SHC3: variants seen among roughly 807,000 people sequenced by gnomAD.
SHC3 encodes SHC adaptor protein 3.
Under a neutral mutation model 60.4 loss-of-function variants are expected in SHC3, and 15 were observed. The ratio of observed to expected loss-of-function variants is 0.25; its 90% CI spans 0.17 to 0.38. The LOEUF is 0.38. SHC3 is among the 10% of genes least tolerant of loss of function. The pLI, the probability that SHC3 is intolerant of heterozygous loss-of-function variation, is 1.00. For synonymous variants in SHC3, 294 were observed against 325.9 expected, an observed-to-expected ratio of 0.90 and a Z score of 1.05; for missense variants, 677 against 786.1, an observed-to-expected ratio of 0.86 and a Z score of 1.66.
intron 10 of SHC3, among the ~76,000 whole-genome samples, chr9:89,040,664 A>G (rs575654936): frequency 7.9e-5 from 12 of 152,368 alleles, no homozygotes; most frequent in African/African-American, 2.9e-4. Flanking sequence ...TGTGCTTTGC[A>G]TCTTGAAAAA....
intron 8 of SHC3, 88 bp from the exon 9 acceptor site, chr9:89,045,921 G>A: frequency 1.5e-6 from 2 of 1,320,950 alleles, no homozygotes; most frequent in Non-Finnish European, 2.1e-6. Flanking sequence ...TCGGCGAGTT[G>A]ATCCTTAAGG....
intron 6 of SHC3, among the ~76,000 whole-genome samples, chr9:89,061,747 G>A (rs1240537678): frequency 6.6e-6 from 1 of 152,224 alleles, no homozygotes; most frequent in East Asian, 1.9e-4. Flanking sequence ...CATTCTGAGT[G>A]AGTAGTGTGA....
At chr9:89,157,804 C>A (rs895128209) in intron 1 of SHC3, among the ~76,000 whole-genome samples, 1 of 151,888 alleles carries the variant, frequency 6.6e-6, no homozygotes, top group Non-Finnish European at 1.5e-5. Flanking sequence ...ATTTTTTTTG[C>A]AGAAATAGGA....
At chr9:89,016,889 T>C (rs116945835) in intron 11 of SHC3, among the ~76,000 whole-genome samples, 3,918 of 152,272 alleles carry the variant, frequency 0.026, 65 homozygotes, top group Middle Eastern at 0.085. Flanking sequence ...TTATCCATCA[T>C]GTTAAAGAAG....
In SHC3 at chr9:89,019,656, T is replaced by C. The variant is rs1376193376; in HGVS notation, c.1657-6081A>G. On this transcript the variant is annotated intron_variant, in intron 11 of 11. Transcript: ENST00000375835. ...AATTTAAAATGCCATACCATTTACA[T>C]TGGCACCCCTGAAAATGAAATAGGT... 3.3e-5 allele frequency among the ~76,000 whole-genome samples: 5 copies of C among 152,178 alleles called. No individual in the cohort carries two copies. The South Asian group carries it at 6.2e-4, about 19-fold the overall frequency.
At chr9:89,116,142 G>T (rs946165178) in intron 1 of SHC3, among the ~76,000 whole-genome samples, 1 of 152,114 alleles carries the variant, frequency 6.6e-6, no homozygotes, top group Admixed American at 6.6e-5. Context: ...AAATTTCACA[G>T]TTATGTGAAC....
At chr9:89,172,863 T>G (rs1826889847) in intron 1 of SHC3, among the ~76,000 whole-genome samples, 1 of 152,232 alleles carries the variant, frequency 6.6e-6, no homozygotes, top group Non-Finnish European at 1.5e-5. Flanking sequence ...TCTTCCTTGT[T>G]GCTTTCCTCT....
At position 89,006,244 on chromosome 9, in the gene SHC3, A is replaced by G. The variant is rs1217070016; in HGVS notation, c.*7203T>C. On this transcript the variant is annotated 3_prime_UTR_variant, in exon 12 of 12. Transcript: ENST00000375835. ...GCACCAGACAGATCATGAAGGGCTA[A>G]TGCTTGGAAACCACACCATTTCCTG... The G allele has an allele frequency of 6.6e-6, 1 of 152,242 alleles. No homozygotes were observed. The highest frequency in any genetic ancestry group is 1.5e-5 in the Non-Finnish European group (1 of 68,044). 9.4% of individuals were successfully genotyped at this position (152,242 alleles called of 1,614,324 possible). A position where few individuals can be genotyped will look rare whatever the true frequency, so the allele number is the denominator to read the frequency against.
intron 1 of SHC3, among the ~76,000 whole-genome samples, chr9:89,137,902 G>A (rs962590234): frequency 1.3e-5 from 2 of 152,174 alleles, no homozygotes; most frequent in African/African-American, 4.8e-5. Flanking sequence ...ACAGCCCATA[G>A]TACAAAGACA....
chr9:89,068,712 T>A (rs1055758394), intron 5 of SHC3, among the ~76,000 whole-genome samples: 1 of 152,014 alleles, frequency 6.6e-6, no homozygotes, highest in Non-Finnish European at 1.5e-5. Context: ...AAAAAAAATG[T>A]ATAGTCCTAT....
At chr9:89,075,621 A>C (rs1408767690) in intron 3 of SHC3, among the ~76,000 whole-genome samples, 1 of 152,236 alleles carries the variant, frequency 6.6e-6, no homozygotes, top group Admixed American at 6.5e-5. Context: ...TCAGAGGAAG[A>C]GTCAAACTAA....
rs145592272 is a variant in SHC3, at chr9:89,173,450, G to A, written c.474+4537C>T. On this transcript the variant is annotated intron_variant, in intron 1 of 11. Transcript: ENST00000375835. ...ACTCAAAGGTAAGACACCGTGCGGA[G>A]GCAGAGAAGCAGCCATCTGTTCTTT... Among the ~76,000 whole-genome samples the A allele has an allele frequency of 1.1e-4, 17 of 152,378 alleles. No homozygotes were observed. The East Asian group carries it at 3.3e-3, about 29-fold the overall frequency.
At position 89,065,553 on chromosome 9, in the gene SHC3, C is replaced by A; in HGVS notation, c.811G>T (p.Ala271Ser). 1 of 1,614,078 alleles carries A rather than the reference C, an allele frequency of 6.2e-7. No homozygotes were observed. Among genetic ancestry groups the A allele is most frequent in the East Asian group, 2.2e-5 (1 of 44,878 alleles). ...CCTCTGCGATTAACAGGGTCCTTAG[C>A]CACATATGCAACATAGTCAGTTGTG... ...PDTTDYVAYV[A>S]KDPVNRRACH... The change falls in exon 6 of 12, where the codon GCT (alanine) becomes TCT (serine). Residue 271 changes from alanine (A) to serine (S), a missense_variant. Physicochemically the swap from Ala to Ser is moderately conservative, Grantham distance 99. Coordinates refer to ENST00000375835, the MANE Select transcript of SHC3 (RefSeq NM_016848.6).
intron 1 of SHC3, among the ~76,000 whole-genome samples, chr9:89,160,710 AT>A (rs1826691874): frequency 6.6e-6 from 1 of 152,212 alleles, no homozygotes. Flanking sequence ...CATGGCTGTC[AT>A]TAAAGTTGAG....
Position 89,013,583 on chromosome 9 carries a change from T to C in SHC3, c.1657-8A>G, listed in dbSNP as rs200873194. On this transcript the variant is annotated splice_polypyrimidine_tract_variant and splice_region_variant and intron_variant, in intron 11 of 11. Coordinates refer to ENST00000375835, the MANE Select transcript of SHC3 (RefSeq NM_016848.6). ...TCTGTCCTTTGTCCGGATCTATGAA[T>C]GAAGCAAAGGAAAGGTTAAGCACAT... 1.5e-5 allele frequency: 24 copies of C among 1,608,978 alleles called. No individual in the cohort carries two copies. The East Asian group carries it at 5.1e-4, about 34-fold the overall frequency.
intron 2 of SHC3, among the ~76,000 whole-genome samples, chr9:89,101,273 T>G (rs1825779140): frequency 6.6e-6 from 1 of 152,192 alleles, no homozygotes; most frequent in Admixed American, 6.5e-5. Flanking sequence ...CCTACAACCT[T>G]GCTAAACTCA....
At chr9:89,130,867 C>G (rs1419305270) in intron 1 of SHC3, among the ~76,000 whole-genome samples, 1 of 152,112 alleles carries the variant, frequency 6.6e-6, no homozygotes, top group Non-Finnish European at 1.5e-5. Flanking sequence ...CAAGAGCAAA[C>G]ACATTCAAAA....
chr9:89,150,204 A>T (rs1357112039), intron 1 of SHC3, among the ~76,000 whole-genome samples: 1 of 152,210 alleles, frequency 6.6e-6, no homozygotes, highest in Non-Finnish European at 1.5e-5. Flanking sequence ...GTTCAGTATT[A>T]TCCATGATCA....
At position 89,011,250 on chromosome 9, in the gene SHC3, G is replaced by A. The variant is rs896986127; in HGVS notation, c.*2197C>T. On this transcript the variant is annotated 3_prime_UTR_variant, in exon 12 of 12. Transcript: ENST00000375835. ...AATATATATATTTTCTATCACCATC[G>A]AACTAGACACTGACTTCACAGCAAG... is the stretch of plus-strand genomic sequence containing the variant. 3 of 151,666 alleles carry A rather than the reference G, an allele frequency of 2.0e-5. No individual in the cohort carries two copies. The allele number at this position is 151,666 out of a possible 1,614,324, so 9.4% of individuals were successfully genotyped here.
Sources: gnomAD v4.1 joint callset for allele counts (sites outside exome capture counted in the v4.1 genomes callset) on GRCh38, gnomAD v4.1.1 for gene constraint, MANE v1.5 for transcripts, NCBI Gene and HGNC (gene_info 2026-07-23, HGNC 2026-07-21) for gene names.